The following DTX2 variants were observed in gnomAD, a reference collection of about 807,000 sequenced individuals.
The protein encoded by DTX2 is deltex E3 ubiquitin ligase 2.
Under a neutral mutation model 55.3 loss-of-function variants are expected in DTX2, and 29 were observed. The observed-to-expected ratio is 0.52, with a 90% CI of 0.39 to 0.71. The LOEUF (loss-of-function observed/expected upper bound fraction) is 0.71. DTX2 is among the 30% of genes least tolerant of loss of function. DTX2 has a pLI of 0.00. For missense variants in DTX2, 537 were observed against 822.5 expected, an observed-to-expected ratio of 0.65 and a Z score of 4.25; for synonymous variants, 276 against 340.4, an observed-to-expected ratio of 0.81 and a Z score of 2.08.
In DTX2 at chr7:76,482,528, A is replaced by C. The variant is rs1563735690; in HGVS notation, c.289A>C (p.Arg97=). ...AATAGGCACCATGCGGGCTGTGCGGAGACACCTGTTCCCCCAGCACTCAGC... is the reference window on the plus strand; with the variant it reads ...AATAGGCACCATGCGGGCTGTGCGGCGACACCTGTTCCCCCAGCACTCAGC... The part of the protein sequence containing the change: ...QDTGTMRAVR[R]HLFPQHSAPG... The change falls in exon 4 of 11, where the codon AGA becomes CGA. Residue 97 remains arginine, a synonymous_variant. Coordinates refer to ENST00000430490, the MANE Select transcript of DTX2 (RefSeq NM_001102594.3). 3 of 1,605,724 alleles carry C rather than the reference A, an allele frequency of 1.9e-6. No homozygotes were observed. Among genetic ancestry groups the C allele is most frequent in the Admixed American group, 1.7e-5 (1 of 59,576 alleles).
Position 76,484,398 on chromosome 7 carries a change from G to GGAA in DTX2, c.908+1251_908+1252insGAA. 2.3e-5 allele frequency among the ~76,000 whole-genome samples: 3 copies of GGAA among 132,424 alleles called. No individual in the cohort carries two copies. The Admixed American group carries it at 2.4e-4, about 11-fold the overall frequency. 86.9% of individuals were successfully genotyped at this position (132,424 alleles called of 152,430 possible). On this transcript the variant is annotated intron_variant, in intron 4 of 10. Coordinates refer to ENST00000430490, the MANE Select transcript of DTX2 (RefSeq NM_001102594.3). ...GAGGAACCCCCCCAGGATTTCCCTGGATTTGGCCAAGGTGAATGGGCTGGC... is the reference window on the plus strand; with the variant it reads ...GAGGAACCCCCCCAGGATTTCCCTGGGAAATTTGGCCAAGGTGAATGGGCTGGC...
intron 2 of DTX2, chr7:76,471,096 TGC>T (rs1276235716): frequency 1.2e-6 from 1 of 825,242 alleles, no homozygotes; most frequent in Non-Finnish European, 2.1e-6. Flanking sequence ...CTGGGAGTAG[TGC>T]TGAACGAAAT....
chr7:76,502,498 C>G (rs556815744), intron 8 of DTX2, 42 bp downstream of exon 8: 70 of 1,596,752 alleles, frequency 4.4e-5, no homozygotes, highest in African/African-American at 5.3e-5. Context: ...GGCCCGCCCC[C>G]ACAGTCCTGA....
rs1485581770 is a variant in DTX2, at chr7:76,503,479, G to T, written c.1443G>T (p.Gly481=). 1.2e-6 allele frequency: 2 copies of T among 1,613,038 alleles called. No homozygotes were observed. Among genetic ancestry groups the T allele is most frequent in the South Asian group, 2.2e-5 (2 of 91,070 alleles). ...SCKTIYGEKT[G]TQPQGKMEVL... is the part of the protein sequence containing the mutation. ...AAACCATCTATGGAGAGAAGACGGG[G>T]ACCCAGCCCCAGGGAAAGATGGAGG... The change falls in exon 9 of 11, where the codon GGG becomes GGT. Residue 481 remains glycine, a synonymous_variant. Transcript: ENST00000430490.
Position 76,505,753 on chromosome 7 carries a change from CCTCT to C in DTX2, c.*158_*161del. The C allele has an allele frequency of 1.3e-6, 1 of 769,530 alleles. No homozygotes were observed. Among genetic ancestry groups the C allele is most frequent in the South Asian group, 1.7e-5 (1 of 57,202 alleles). The allele number at this position is 769,530 out of a possible 1,614,324, so 47.7% of individuals were successfully genotyped here. A position where few individuals can be genotyped will look rare whatever the true frequency, so the allele number is the denominator to read the frequency against. Reference sequence around the variant, plus strand: ...CTGAAGCCGGGGCTCCCCCTGCCTGCCTCTCTCTCCTCCTCCCCTCTGGGAATTG... The same window carrying C: ...CTGAAGCCGGGGCTCCCCCTGCCTGCCTCTCCTCCTCCCCTCTGGGAATTG... On this transcript the variant is annotated 3_prime_UTR_variant, in exon 11 of 11. Coordinates refer to ENST00000430490, the MANE Select transcript of DTX2 (RefSeq NM_001102594.3). The surrounding 1 kb of genome is among the most constrained non-coding windows in gnomAD (Gnocchi z 4.4).
chr7:76,469,440 T>C (rs1807630003), intron 2 of DTX2, among the ~76,000 whole-genome samples: 1 of 140,524 alleles, frequency 7.1e-6, no homozygotes, highest in African/African-American at 2.7e-5. Flanking sequence ...TCGCCCAAGC[T>C]GGAGTGCAGT....
At position 76,480,572 on chromosome 7, in the gene DTX2, G is replaced by C. The variant is rs762947547; in HGVS notation, c.63G>C (p.Val21=). The C allele has an allele frequency of 3.1e-6, 5 of 1,612,866 alleles. No homozygotes were observed. In the Admixed American group the frequency reaches 8.3e-5, roughly 27 times the overall value. ...QVYTSPAAVA[V]WEWQDGLGTW... Reference sequence around the variant, plus strand: ...ACACCAGCCCCGCGGCTGTGGCCGTGTGGGAATGGCAGGACGGGCTGGGCA... The same window carrying C: ...ACACCAGCCCCGCGGCTGTGGCCGTCTGGGAATGGCAGGACGGGCTGGGCA... The change falls in exon 3 of 11, where the codon GTG becomes GTC. Residue 21 remains valine, a synonymous_variant. Transcript: ENST00000430490.
At chr7:76,475,691 T>G (rs1051810660) in intron 2 of DTX2, among the ~76,000 whole-genome samples, 6 of 116,002 alleles carry the variant, frequency 5.2e-5, no homozygotes, top group East Asian at 2.7e-4. Flanking sequence ...TTCTCAAAAA[T>G]AAAAAAAAAG....
chr7:76,472,480 C>G (rs1262975955), intron 2 of DTX2, among the ~76,000 whole-genome samples: 2 of 145,772 alleles, frequency 1.4e-5, no homozygotes, highest in Admixed American at 6.9e-5. Flanking sequence ...GTGCATGCCA[C>G]CATGCCCAGC....
intron 7 of DTX2, among the ~76,000 whole-genome samples, chr7:76,500,848 G>T (rs1470361235): frequency 1.3e-5 from 2 of 152,084 alleles, no homozygotes; most frequent in African/African-American, 4.8e-5. Context: ...GCGGATGCTG[G>T]TGTAGAAGTG....
intron 2 of DTX2, among the ~76,000 whole-genome samples, chr7:76,478,525 G>C (rs1224346619): frequency 2.0e-5 from 3 of 147,982 alleles, no homozygotes; most frequent in Non-Finnish European, 4.4e-5. Context: ...CCATCCTCCT[G>C]CCTCAGCCTC....
intron 6 of DTX2, among the ~76,000 whole-genome samples, chr7:76,498,762 C>G (rs950376597): frequency 1.9e-5 from 1 of 53,602 alleles, no homozygotes; most frequent in Non-Finnish European, 3.2e-5. Context: ...TTCTCGCCAC[C>G]GTGACAGGAT....
rs1812221208 is a variant in DTX2 at position 76,505,339 on chromosome 7, C to T, written c.1642-35C>T. 4 of 1,530,554 alleles carry T rather than the reference C, an allele frequency of 2.6e-6. No individual in the cohort carries two copies. Among genetic ancestry groups the T allele is most frequent in the Non-Finnish European group, 3.5e-6 (4 of 1,129,040 alleles). 94.8% of individuals were successfully genotyped at this position (1,530,554 alleles called of 1,614,324 possible). On this transcript the variant is annotated intron_variant, in intron 10 of 10. Transcript: ENST00000430490. This position sits in a 1 kb window ranked among gnomAD's most constrained non-coding sequence, Gnocchi z 4.4. ...ACTGAGCCCCTCTCACTCTCCGTCC[C>T]CTCCTTCCTCTTCCCCCTCCTCCTC...
intron 2 of DTX2, among the ~76,000 whole-genome samples, chr7:76,469,640 G>C (rs1452822927): frequency 1.3e-5 from 2 of 149,382 alleles, no homozygotes; most frequent in African/African-American, 2.5e-5. Flanking sequence ...TGATCTGCCT[G>C]CCTCGGCCTC....
chr7:76,474,354 C>G (rs1402943510), intron 2 of DTX2, among the ~76,000 whole-genome samples: 3 of 152,012 alleles, frequency 2.0e-5, no homozygotes, highest in East Asian at 1.9e-4. Context: ...CACGCTTGGC[C>G]TGTTTTACAT....
At position 76,474,316 on chromosome 7, in the gene DTX2, A is replaced by G. The variant is rs532138267; in HGVS notation, c.-89-6105A>G. Among the ~76,000 whole-genome samples, 47 of 151,642 alleles carry G rather than the reference A, an allele frequency of 3.1e-4. No homozygotes were observed. In the South Asian group the frequency reaches 9.4e-3, roughly 30 times the overall value. ...GTGGTCCTCCCACCTTGGCCTCCCAAAACGCTGAGATTACAGGTGTGAGCC... is the reference window on the plus strand; with the variant it reads ...GTGGTCCTCCCACCTTGGCCTCCCAGAACGCTGAGATTACAGGTGTGAGCC... On this transcript the variant is annotated intron_variant, in intron 2 of 10. Coordinates refer to ENST00000430490, the MANE Select transcript of DTX2 (RefSeq NM_001102594.3).
intron 6 of DTX2, among the ~76,000 whole-genome samples, chr7:76,498,966 G>C: frequency 1.6e-5 from 1 of 60,616 alleles, no homozygotes; most frequent in Non-Finnish European, 3.1e-5. Flanking sequence ...GGGGTGTATG[G>C]AGGTGTGAGG....
At chr7:76,502,501 A>C in intron 8 of DTX2, 45 bp downstream of exon 8, 1 of 1,590,560 alleles carries the variant, frequency 6.3e-7, no homozygotes. Context: ...CCGCCCCCAC[A>C]GTCCTGAGCT....
chr7:76,504,486 ACCAGGCGGCAGGAGG>A, intron 10 of DTX2, 41 bp downstream of exon 10: 1 of 903,844 alleles, frequency 1.1e-6, no homozygotes, highest in Non-Finnish European at 1.7e-6. Flanking sequence ...CGGGGCCCTG[ACCAGGCGGCAGGAGG>A]CCAGGCGCCA....
Sources: gnomAD v4.1 joint callset for allele counts (sites outside exome capture counted in the v4.1 genomes callset) on GRCh38, gnomAD v4.1.1 for gene constraint, Gnocchi (gnomAD v3.1) non-coding constraint, MANE v1.5 for transcripts, NCBI Gene and HGNC (gene_info 2026-07-23, HGNC 2026-07-21) for gene names.